The following EXOC4 variants were observed in gnomAD, a reference collection of about 807,000 sequenced individuals.
The protein encoded by EXOC4 is SEC8-like 1.
EXOC4 carries 71 observed loss-of-function variants against 107.2 expected under a neutral mutation model. The observed-to-expected ratio is 0.66, with a 90% CI of 0.55 to 0.81. The LOEUF is 0.81. Among genes scored for constraint, EXOC4 ranks in the 30% least tolerant of loss-of-function variants. EXOC4 has a pLI of 0.00. For synonymous variants in EXOC4, 456 were observed against 441.2 expected (o/e 1.03, Z -0.42); for missense variants, 1,108 against 1,189.6 (o/e 0.93, Z 1.01).
chr7:133,385,158 G>T (rs1796701387), intron 7 of EXOC4, among the ~76,000 whole-genome samples: 1 of 152,210 alleles, frequency 6.6e-6, no homozygotes, highest in African/African-American at 2.4e-5. Flanking sequence ...AAGGCTGCAG[G>T]TCTTTTAAGG....
chr7:133,596,457 A>G (rs949138771), intron 9 of EXOC4, among the ~76,000 whole-genome samples: 5 of 152,232 alleles, frequency 3.3e-5, no homozygotes, highest in Non-Finnish European at 5.9e-5. Flanking sequence ...CTCTGTTTCC[A>G]TAACTCAGCT....
Position 133,317,369 on chromosome 7 carries a change from TCTA to T in EXOC4, c.745_747del (p.Thr249del). ...AAAATTCCTTGATACCTCTCACTAT[TCTA>T]CTGCTGGAAGCTCAAGTGGTAAGTA... On this transcript the variant is annotated inframe_deletion, in exon 5 of 18. Transcript: ENST00000253861. 1.9e-6 allele frequency: 3 copies of T among 1,608,298 alleles called. No individual in the cohort carries two copies. The highest frequency in any genetic ancestry group is 1.1e-5 in the South Asian group (1 of 90,942).
chr7:134,044,833 T>A (rs1795609493), intron 17 of EXOC4, among the ~76,000 whole-genome samples: 2 of 152,338 alleles, frequency 1.3e-5, no homozygotes, highest in South Asian at 4.1e-4. Flanking sequence ...TTTCAGTGAG[T>A]CTCTTGATGA....
intron 10 of EXOC4, among the ~76,000 whole-genome samples, chr7:133,671,261 C>T (rs1378525869): frequency 3.3e-5 from 5 of 152,078 alleles, no homozygotes; most frequent in African/African-American, 1.2e-4. Flanking sequence ...TCTGCTTTCA[C>T]CTTTTTAAAG....
At chr7:133,370,101 A>C (rs1796340121) in intron 6 of EXOC4, among the ~76,000 whole-genome samples, 1 of 151,372 alleles carries the variant, frequency 6.6e-6, no homozygotes, top group African/African-American at 2.4e-5. Context: ...CTCCTTCCAG[A>C]TTTCTAATTT....
intron 9 of EXOC4, among the ~76,000 whole-genome samples, chr7:133,517,438 T>C (rs1186381292): frequency 6.6e-6 from 1 of 152,158 alleles, no homozygotes; most frequent in Non-Finnish European, 1.5e-5. Flanking sequence ...CCATGTGTAT[T>C]AGCTCATTTT....
chr7:133,303,883 G>T (rs1196671305), intron 3 of EXOC4, among the ~76,000 whole-genome samples: 1 of 152,170 alleles, frequency 6.6e-6, no homozygotes, highest in Non-Finnish European at 1.5e-5. Flanking sequence ...CTTTACTCAT[G>T]GAATAAATAG....
chr7:133,583,226 G>C (rs961930051), intron 9 of EXOC4, among the ~76,000 whole-genome samples: 1 of 151,874 alleles, frequency 6.6e-6, no homozygotes, highest in African/African-American at 2.4e-5. Flanking sequence ...TGTTTCAACT[G>C]TTAACTTGGA....
intron 14 of EXOC4, among the ~76,000 whole-genome samples, chr7:133,971,334 G>GTATATATATATATATATATATATATATA (rs1206467959): frequency 2.4e-5 from 1 of 41,796 alleles, no homozygotes. Context: ...GGGAAAATGT[G>GTATATATATATATATATATATATATATA]TATATATATA....
At chr7:133,979,873 G>A (rs139353970) in intron 14 of EXOC4, among the ~76,000 whole-genome samples, 2 of 152,220 alleles carry the variant, frequency 1.3e-5, no homozygotes, top group African/African-American at 2.4e-5. Flanking sequence ...GGAGATGCCT[G>A]TCATTCTTCA....
chr7:133,387,402 T>C (rs2150710463), intron 7 of EXOC4, among the ~76,000 whole-genome samples: 1 of 152,320 alleles, frequency 6.6e-6, no homozygotes, highest in South Asian at 2.1e-4. Context: ...ACATCGGTGC[T>C]CTAACTGATC....
At chr7:133,521,188 G>C (rs1414274000) in intron 9 of EXOC4, among the ~76,000 whole-genome samples, 5 of 152,108 alleles carry the variant, frequency 3.3e-5, no homozygotes, top group Non-Finnish European at 7.4e-5. Flanking sequence ...TTCTAGAGCT[G>C]CTTTATGCTA....
At chr7:133,807,461 G>A (rs779146309) in intron 10 of EXOC4, among the ~76,000 whole-genome samples, 18 of 152,236 alleles carry the variant, frequency 1.2e-4, no homozygotes, top group Non-Finnish European at 7.3e-5. Context: ...AGTCTCTGAA[G>A]GTCAAACTGA....
rs375672229 is a variant in EXOC4, at chr7:133,941,336, C to T, written c.2206+3267C>T. Among the ~76,000 whole-genome samples the T allele has an allele frequency of 3.9e-5, 6 of 152,266 alleles. No individual in the cohort carries two copies. In the East Asian group the frequency reaches 1.2e-3, roughly 29 times the overall value. On this transcript the variant is annotated intron_variant, in intron 14 of 17. Coordinates refer to ENST00000253861, the MANE Select transcript of EXOC4 (RefSeq NM_021807.4). ...TAGTAGAATATCTCTTCAGATAGGACAGTAGGAGTCTCATCCACCTGAACA... is the reference window on the plus strand; with the variant it reads ...TAGTAGAATATCTCTTCAGATAGGATAGTAGGAGTCTCATCCACCTGAACA...
chr7:133,340,257 A>G (rs996669179), intron 5 of EXOC4, among the ~76,000 whole-genome samples: 2 of 152,170 alleles, frequency 1.3e-5, no homozygotes, highest in Admixed American at 6.5e-5. Flanking sequence ...TTCTGCATCT[A>G]TTGAAATGAT....
chr7:133,522,708 G>C (rs1164714929), intron 9 of EXOC4, among the ~76,000 whole-genome samples: 4 of 152,190 alleles, frequency 2.6e-5, no homozygotes, highest in Admixed American at 2.6e-4. Context: ...AAAATTCTTT[G>C]TTGGAAGAGA....
Position 133,946,402 on chromosome 7 carries a change from T to G in EXOC4, c.2206+8333T>G, listed in dbSNP as rs142557605. ...TTGGCCTTATCTCATTAACATTACT[T>G]GTACTTCTGTTGAGCCTTTCTCTCT... On this transcript the variant is annotated intron_variant, in intron 14 of 17. Transcript: ENST00000253861. 7.2e-5 allele frequency among the ~76,000 whole-genome samples: 11 copies of G among 152,340 alleles called. No homozygotes were observed. In the East Asian group the frequency reaches 1.9e-3, roughly 27 times the overall value.
intron 10 of EXOC4, among the ~76,000 whole-genome samples, chr7:133,646,623 A>G (rs574263541): frequency 1.3e-5 from 2 of 152,156 alleles, no homozygotes; most frequent in African/African-American, 4.8e-5. Flanking sequence ...AAATATATGT[A>G]TGTGTGGTAT....
intron 1 of EXOC4, among the ~76,000 whole-genome samples, chr7:133,256,852 C>T (rs1174553016): frequency 6.6e-6 from 1 of 152,084 alleles, no homozygotes; most frequent in African/African-American, 2.4e-5. Context: ...CGAATCTCAT[C>T]GCTATTTCCA....
Sources: gnomAD v4.1 joint callset for allele counts (sites outside exome capture counted in the v4.1 genomes callset) on GRCh38, gnomAD v4.1.1 for gene constraint, MANE v1.5 for transcripts, NCBI Gene and HGNC (gene_info 2026-07-23, HGNC 2026-07-21) for gene names.